The following SCFD2 variants were observed in gnomAD, a reference collection of about 807,000 sequenced individuals.
SCFD2 encodes sec1 family domain-containing protein 2.
A neutral mutation model predicts 58.9 loss-of-function variants in SCFD2; 54 were observed. The observed-to-expected ratio is 0.92, with a 90% confidence interval of 0.74 to 1.15. The LOEUF is 1.15. SCFD2 is among the 50% of genes most tolerant of loss of function. The pLI is 0.00. For missense variants in SCFD2, 805 were observed against 836.6 expected (o/e 0.96, Z 0.47); for synonymous variants, 321 against 335.9 (o/e 0.96, Z 0.49).
At position 52,885,802 on chromosome 4, in the gene SCFD2, A is replaced by T; in HGVS notation, c.1907T>A (p.Val636Asp). The part of the protein sequence containing the change: ...LILFVVGGVT[V>D]SEVKMVKDLV... ...ATCTTTGACCATTTTCACTTCAGAG[A>T]CTGTGACCCCACCTACCACAAAGAG... is the stretch of plus-strand genomic sequence containing the variant. Residue 636 changes from valine to aspartate, a missense_variant, in exon 8 of 9, where the codon GTC (valine) becomes GAC (aspartate). Coordinates refer to ENST00000401642, the MANE Select transcript of SCFD2 (RefSeq NM_152540.4). The T allele has an allele frequency of 6.2e-7, 1 of 1,614,072 alleles. No individual in the cohort carries two copies. The highest frequency in any genetic ancestry group is 1.1e-5 in the South Asian group (1 of 91,078).
At chr4:53,247,714 A>G (rs966502736) in intron 4 of SCFD2, among the ~76,000 whole-genome samples, 2 of 144,460 alleles carry the variant, frequency 1.4e-5, no homozygotes. Flanking sequence ...ACAAAAAATT[A>G]GCCGGGCGCG....
At chr4:53,060,945 T>G (rs921546723) in intron 5 of SCFD2, among the ~76,000 whole-genome samples, 4 of 152,162 alleles carry the variant, frequency 2.6e-5, no homozygotes, top group African/African-American at 9.7e-5. Context: ...ACACCTACAG[T>G]GAATTATAAA....
chr4:52,968,879 C>T (rs923314409), intron 5 of SCFD2, among the ~76,000 whole-genome samples: 2 of 152,152 alleles, frequency 1.3e-5, no homozygotes, highest in Admixed American at 6.5e-5. Context: ...CTCTGCTTGG[C>T]CAAACGCCAG....
At chr4:53,009,801 T>C (rs1301189213) in intron 5 of SCFD2, among the ~76,000 whole-genome samples, 1 of 152,186 alleles carries the variant, frequency 6.6e-6, no homozygotes, top group African/African-American at 2.4e-5. Context: ...CAGAACCCTG[T>C]CCAATTTGAA....
At chr4:53,246,211 A>G (rs1309271942) in intron 4 of SCFD2, among the ~76,000 whole-genome samples, 1 of 152,190 alleles carries the variant, frequency 6.6e-6, no homozygotes, top group Non-Finnish European at 1.5e-5. Flanking sequence ...CTACAAAATA[A>G]AAAAAATTTC....
At chr4:53,052,187 C>T (rs904340241) in intron 5 of SCFD2, among the ~76,000 whole-genome samples, 8 of 152,248 alleles carry the variant, frequency 5.3e-5, no homozygotes, top group Non-Finnish European at 8.8e-5. Context: ...CTCAACTCTG[C>T]CTCTCTCTCC....
chr4:52,917,020 C>T (rs1324349838), intron 6 of SCFD2, among the ~76,000 whole-genome samples: 1 of 152,146 alleles, frequency 6.6e-6, no homozygotes, highest in Non-Finnish European at 1.5e-5. Flanking sequence ...GTCTTAGCCT[C>T]CCTAGTAGCT....
chr4:53,327,151 G>C (rs1733227023), intron 2 of SCFD2, among the ~76,000 whole-genome samples: 1 of 152,060 alleles, frequency 6.6e-6, no homozygotes, highest in Non-Finnish European at 1.5e-5. Context: ...GAGCCTGAGA[G>C]GGGTGAGCGG....
chr4:53,087,112 A>C (rs1724328200), intron 5 of SCFD2, among the ~76,000 whole-genome samples: 1 of 152,170 alleles, frequency 6.6e-6, no homozygotes, highest in South Asian at 2.1e-4. Context: ...TATTGCATGT[A>C]TAAAAGTATC....
At chr4:53,025,224 A>G (rs961128729) in intron 5 of SCFD2, among the ~76,000 whole-genome samples, 3 of 152,244 alleles carry the variant, frequency 2.0e-5, no homozygotes, top group African/African-American at 7.2e-5. Flanking sequence ...TCAGTTTTTC[A>G]AACTCTCAAA....
chr4:53,139,401 G>T, intron 5 of SCFD2, among the ~76,000 whole-genome samples: 1 of 113,432 alleles, frequency 8.8e-6, no homozygotes, highest in East Asian at 2.5e-4. Context: ...GCCTCTTCCC[G>T]GCTGCCGGCC....
rs534343175 is a variant in SCFD2 at position 52,965,981 on chromosome 4, G to C, written c.1562-45111C>G. ...CAGACTTCATGGGTGCTAAAAATGT[G>C]CTAAACTTGGATCTGATTGATAAAG... On this transcript the variant is annotated intron_variant, in intron 5 of 8. Transcript: ENST00000401642. Among the ~76,000 whole-genome samples the C allele has an allele frequency of 2.1e-4, 32 of 152,314 alleles. No homozygotes were observed. In the South Asian group the frequency reaches 6.4e-3, roughly 31 times the overall value.
chr4:52,944,691 T>C (rs1338622460), intron 5 of SCFD2, among the ~76,000 whole-genome samples: 1 of 152,206 alleles, frequency 6.6e-6, no homozygotes, highest in African/African-American at 2.4e-5. Flanking sequence ...CTACTTCAAC[T>C]TTTGAATTTA....
intron 6 of SCFD2, among the ~76,000 whole-genome samples, chr4:52,914,814 A>G (rs541354800): frequency 6.6e-6 from 1 of 152,310 alleles, no homozygotes; most frequent in African/African-American, 2.4e-5. Flanking sequence ...TTTTACAAAA[A>G]AAGGGGCCCA....
At chr4:53,308,329 G>C (rs776669148) in intron 3 of SCFD2, among the ~76,000 whole-genome samples, 5 of 152,138 alleles carry the variant, frequency 3.3e-5, no homozygotes, top group Non-Finnish European at 5.9e-5. Context: ...TCAATAATCA[G>C]TATATGTCTC....
intron 7 of SCFD2, among the ~76,000 whole-genome samples, chr4:52,893,885 A>T (rs1296774098): frequency 1.3e-5 from 2 of 152,194 alleles, no homozygotes; most frequent in Non-Finnish European, 2.9e-5. Context: ...ATCCTTACTG[A>T]GGCCTCTCTC....
At chr4:52,886,701 A>G (rs1195174106) in intron 7 of SCFD2, among the ~76,000 whole-genome samples, 1 of 152,360 alleles carries the variant, frequency 6.6e-6, no homozygotes, top group East Asian at 1.9e-4. Context: ...TGTGATAAAC[A>G]GCCCTTAGAG....
At chr4:53,187,766 A>T (rs1727780094) in intron 4 of SCFD2, among the ~76,000 whole-genome samples, 1 of 152,116 alleles carries the variant, frequency 6.6e-6, no homozygotes, top group Non-Finnish European at 1.5e-5. Flanking sequence ...GAAAGGAAAG[A>T]TATCAAAATG....
chr4:53,098,216 T>A (rs1724719230), intron 5 of SCFD2, among the ~76,000 whole-genome samples: 1 of 152,242 alleles, frequency 6.6e-6, no homozygotes, highest in South Asian at 2.1e-4. Flanking sequence ...GGTATCAGGA[T>A]GATGCTGGCC....
Sources: allele counts gnomAD v4.1 joint callset (sites outside exome capture counted in the v4.1 genomes callset), GRCh38; gene constraint gnomAD v4.1.1; transcripts MANE v1.5; gene names NCBI Gene and HGNC (gene_info 2026-07-23, HGNC 2026-07-21).